The following BBX variants were observed in gnomAD, a reference collection of about 807,000 sequenced individuals.
The protein encoded by BBX is BBX high mobility group box domain containing, also known as HMG box transcription factor BBX.
BBX carries 30 observed loss-of-function variants against 100.2 expected under a neutral mutation model. The ratio of observed to expected loss-of-function variants is 0.30; its 90% CI spans 0.22 to 0.41. The LOEUF is 0.41. Among genes scored for constraint, BBX ranks in the 10% least tolerant of loss-of-function variants. The probability of loss-of-function intolerance (pLI) is 1.00; values close to 1 mark genes in which losing one functional copy is unlikely to be tolerated. For synonymous variants in BBX, 376 were observed against 388.1 expected (o/e 0.97, Z 0.37); for missense variants, 1,023 against 1,129.8 (o/e 0.91, Z 1.35).
chr3:107,601,194 G>A (rs530830267), intron 2 of BBX, among the ~76,000 whole-genome samples: 12 of 152,190 alleles, frequency 7.9e-5, no homozygotes, highest in East Asian at 5.8e-4. Flanking sequence ...CCCACTGGCC[G>A]TTCCCATCTT....
intron 7 of BBX, among the ~76,000 whole-genome samples, chr3:107,733,845 G>A (rs542032681): frequency 4.6e-5 from 7 of 152,122 alleles, no homozygotes; most frequent in African/African-American, 9.7e-5. Context: ...GGACTGCTTT[G>A]GCTAAACATT....
chr3:107,618,387 T>C (rs1379148913), intron 2 of BBX, among the ~76,000 whole-genome samples: 2 of 152,100 alleles, frequency 1.3e-5, no homozygotes, highest in Non-Finnish European at 2.9e-5. Context: ...AAATTGTTTT[T>C]CTGTTTTCAA....
chr3:107,742,255 TCTC>T (rs1412887353), intron 7 of BBX, among the ~76,000 whole-genome samples: 1 of 152,040 alleles, frequency 6.6e-6, no homozygotes, highest in African/African-American at 2.4e-5. Context: ...TTTTCTGTCT[TCTC>T]CTTCTGTCTT....
chr3:107,675,264 G>A (rs1168108750), intron 3 of BBX, among the ~76,000 whole-genome samples: 1 of 152,114 alleles, frequency 6.6e-6, no homozygotes, highest in African/African-American at 2.4e-5. Context: ...ACGGAAATCA[G>A]AGCTTTTCTT....
At chr3:107,606,104 T>C (rs995348431) in intron 2 of BBX, among the ~76,000 whole-genome samples, 1 of 152,186 alleles carries the variant, frequency 6.6e-6, no homozygotes, top group Admixed American at 6.5e-5. Context: ...TTTTAAATAG[T>C]TGTAGTTAAA....
intron 3 of BBX, among the ~76,000 whole-genome samples, chr3:107,691,930 A>C (rs1190135082): frequency 6.6e-6 from 1 of 152,104 alleles, no homozygotes; most frequent in Admixed American, 6.6e-5. Flanking sequence ...GCTTTTGAGA[A>C]AAATATTTTT....
intron 10 of BBX, among the ~76,000 whole-genome samples, chr3:107,761,866 A>G (rs2065926345): frequency 6.6e-6 from 1 of 152,182 alleles, no homozygotes; most frequent in Admixed American, 6.5e-5. Flanking sequence ...GTGATATTTG[A>G]TCAGTGTATG....
chr3:107,777,918 TG>T (rs1315350082), intron 12 of BBX, among the ~76,000 whole-genome samples: 1 of 152,152 alleles, frequency 6.6e-6, no homozygotes, highest in Non-Finnish European at 1.5e-5. Flanking sequence ...TTAATAAGCT[TG>T]ATTATTAATA....
rs1391674827 is a variant in BBX, at chr3:107,661,309, C to A, written c.-10+15400C>A. ...ATTCTACTAGGGACAATATAGGATA[C>A]CAGAAAAAGCAGTGGATTTTGGAAT... On this transcript the variant is annotated intron_variant, in intron 3 of 17. Coordinates refer to ENST00000325805, the MANE Select transcript of BBX (RefSeq NM_001142568.3). Among the ~76,000 whole-genome samples the A allele has an allele frequency of 2.0e-5, 3 of 152,014 alleles. No homozygotes were observed. The East Asian group carries it at 5.8e-4, about 29-fold the overall frequency.
intron 2 of BBX, among the ~76,000 whole-genome samples, chr3:107,626,187 A>G (rs2056160211): frequency 6.6e-6 from 1 of 152,192 alleles, no homozygotes; most frequent in African/African-American, 2.4e-5. Flanking sequence ...TAGAAGAAAC[A>G]TGTTCTATAT....
chr3:107,615,509 T>C (rs1034588805), intron 2 of BBX, among the ~76,000 whole-genome samples: 13 of 152,098 alleles, frequency 8.5e-5, no homozygotes, highest in African/African-American at 3.1e-4. Flanking sequence ...TGGGGCCTCT[T>C]TTATAAGGGC....
intron 17 of BBX, among the ~76,000 whole-genome samples, chr3:107,802,974 T>C (rs2070686853): frequency 6.6e-6 from 1 of 152,216 alleles, no homozygotes; most frequent in Non-Finnish European, 1.5e-5. Context: ...CACACCTCTC[T>C]CAGACCACAT....
intron 2 of BBX, among the ~76,000 whole-genome samples, chr3:107,548,143 C>A (rs913622012): frequency 6.6e-6 from 1 of 152,138 alleles, no homozygotes; most frequent in Non-Finnish European, 1.5e-5. Flanking sequence ...GTCATTTGTA[C>A]CACTTCTTAA....
At chr3:107,624,459 A>G (rs1250313410) in intron 2 of BBX, among the ~76,000 whole-genome samples, 1 of 152,236 alleles carries the variant, frequency 6.6e-6, no homozygotes, top group East Asian at 1.9e-4. Flanking sequence ...ACAGTGTATG[A>G]AAAGTTATTT....
At chr3:107,617,176 C>T (rs975028289) in intron 2 of BBX, among the ~76,000 whole-genome samples, 2 of 151,890 alleles carry the variant, frequency 1.3e-5, no homozygotes, top group Non-Finnish European at 2.9e-5. Context: ...GCTTTTGGAC[C>T]TGGGTTAAAA....
At chr3:107,643,410 G>C (rs555198175) in intron 2 of BBX, among the ~76,000 whole-genome samples, 12 of 152,126 alleles carry the variant, frequency 7.9e-5, no homozygotes, top group South Asian at 2.1e-4. Context: ...GGACTGGGAG[G>C]GGGGTGTGCA....
At chr3:107,615,828 A>G (rs554748888) in intron 2 of BBX, among the ~76,000 whole-genome samples, 2 of 152,210 alleles carry the variant, frequency 1.3e-5, no homozygotes, top group East Asian at 1.9e-4. Flanking sequence ...CTTAAAATAC[A>G]AATTTGGCAA....
chr3:107,595,995 G>T (rs571412697), intron 2 of BBX, among the ~76,000 whole-genome samples: 10 of 152,164 alleles, frequency 6.6e-5, no homozygotes, highest in East Asian at 3.9e-4. Flanking sequence ...TAATTTTTTT[G>T]ATATTTCTGG....
intron 2 of BBX, among the ~76,000 whole-genome samples, chr3:107,577,403 C>T (rs946573258): frequency 1.3e-5 from 2 of 151,938 alleles, no homozygotes; most frequent in East Asian, 1.9e-4. Flanking sequence ...GAAAACATGG[C>T]GGGAATGGAA....
Sources: allele counts gnomAD v4.1 joint callset (sites outside exome capture counted in the v4.1 genomes callset), GRCh38; gene constraint gnomAD v4.1.1; transcripts MANE v1.5; gene names NCBI Gene and HGNC (gene_info 2026-07-23, HGNC 2026-07-21).